Variants in WWC1 observed in about 807,000 individuals in gnomAD.
The protein encoded by WWC1 is WW and C2 domain containing 1.
WWC1 carries 55 observed loss-of-function variants against 138.4 expected under a neutral mutation model. The observed-to-expected ratio is 0.40, with a 90% CI of 0.32 to 0.50. WWC1 has a LOEUF of 0.50. WWC1 is among the 20% of genes least tolerant of loss of function. The pLI is 0.72. For missense variants in WWC1, 1,226 were observed against 1,420.4 expected (o/e 0.86, Z 2.20); for synonymous variants, 524 against 564.9 (o/e 0.93, Z 1.03).
chr5:168,420,060 G>C (rs1043690237), intron 9 of WWC1, among the ~76,000 whole-genome samples: 2 of 152,212 alleles, frequency 1.3e-5, no homozygotes, highest in Non-Finnish European at 2.9e-5. Context: ...ACTGTTGCCA[G>C]TCCATCCAAC....
intron 5 of WWC1, among the ~76,000 whole-genome samples, chr5:168,403,087 C>CTTTCTTTTCTTTT (rs1779504732): frequency 2.2e-5 from 2 of 92,168 alleles, no homozygotes; most frequent in Non-Finnish European, 2.2e-5. Context: ...TCTTTTCTTT[C>CTTTCTTTTCTTTT]TTTTCTTTCT....
chr5:168,385,023 G>T (rs186808529), intron 2 of WWC1, among the ~76,000 whole-genome samples, 188 bp from the exon 3 acceptor site: 341 of 152,108 alleles, frequency 2.2e-3, no homozygotes, highest in Non-Finnish European at 3.9e-3. Context: ...CAACCCCCTG[G>T]CTTATTATTT....
At chr5:168,325,496 A>C (rs1179337040) in intron 1 of WWC1, among the ~76,000 whole-genome samples, 1 of 152,078 alleles carries the variant, frequency 6.6e-6, no homozygotes, top group African/African-American at 2.4e-5. Flanking sequence ...GGCAGTGGGG[A>C]GGGGAATTTT....
intron 1 of WWC1, among the ~76,000 whole-genome samples, chr5:168,346,530 C>T (rs986097320): frequency 2.0e-5 from 3 of 152,050 alleles, no homozygotes; most frequent in South Asian, 2.1e-4. Context: ...CCTGACACAC[C>T]GATGCCCTTA....
chr5:168,292,084 C>G lies in WWC1; in HGVS notation c.-69C>G, dbSNP rs886885014. 1.4e-6 allele frequency: 2 copies of G among 1,434,808 alleles called. No individual in the cohort carries two copies. The highest frequency in any genetic ancestry group is 9.1e-7 in the Non-Finnish European group (1 of 1,098,344). The allele number at this position is 1,434,808 out of a possible 1,614,324, so 88.9% of individuals were successfully genotyped here. ...GGCGGCCGCCCGGGCTAAGAGCGGC[C>G]GGCTGGAGCCGCTGAGCCCCCGCTG... On this transcript the variant is annotated 5_prime_UTR_variant, in exon 1 of 23. Coordinates refer to ENST00000265293, the MANE Select transcript of WWC1 (RefSeq NM_015238.3). The surrounding 1 kb of genome is among the most constrained non-coding windows in gnomAD (Gnocchi z 4.4).
rs1757547286 is a variant in WWC1 at position 168,469,016 on chromosome 5, A to G, written c.3341A>G (p.Ter1114=). Residue 1114 remains the stop codon, a stop_retained_variant, in exon 23 of 23, where the codon TAA becomes TGA. Coordinates refer to ENST00000265293, the MANE Select transcript of WWC1 (RefSeq NM_015238.3). ...NIPALSADDV[*] ...CCAGCTCTCTCTGCAGATGACGTCT[A>G]ATCGCCAGAAAAGTATTTCCTTTGT... The G allele has an allele frequency of 6.2e-7, 1 of 1,614,232 alleles. No homozygotes were observed. The highest frequency in any genetic ancestry group is 8.5e-7 in the Non-Finnish European group (1 of 1,180,030).
chr5:168,425,156 C>G (rs992629546), intron 11 of WWC1, among the ~76,000 whole-genome samples: 4 of 152,158 alleles, frequency 2.6e-5, no homozygotes, highest in Non-Finnish European at 5.9e-5. Context: ...AGTGAGGAAG[C>G]AGGGATAGGA....
chr5:168,464,662 G>A (rs772970987), intron 20 of WWC1, 67 bp from the exon 21 acceptor site: 3 of 1,593,692 alleles, frequency 1.9e-6, no homozygotes, highest in African/African-American at 1.3e-5. Context: ...GAGGGTCAGA[G>A]GAAGAGGCTG....
chr5:168,421,883 C>T, intron 9 of WWC1, 125 bp from the exon 10 acceptor site: 3 of 698,812 alleles, frequency 4.3e-6, no homozygotes, highest in South Asian at 1.6e-5. Flanking sequence ...GCTCTAGCTC[C>T]CCAGATGCCG....
chr5:168,400,785 C>CT (rs770214303), intron 5 of WWC1, among the ~76,000 whole-genome samples: 44 of 144,860 alleles, frequency 3.0e-4, no homozygotes, highest in Non-Finnish European at 6.1e-4. Context: ...GCACTCCAGT[C>CT]TGAGTGGCAA....
At chr5:168,343,102 C>T (rs1774181397) in intron 1 of WWC1, among the ~76,000 whole-genome samples, 1 of 151,540 alleles carries the variant, frequency 6.6e-6, no homozygotes, top group Admixed American at 6.6e-5. Context: ...CGCAGATGGA[C>T]CTCCCAATTT....
At chr5:168,367,676 C>A (rs375054818) in intron 1 of WWC1, among the ~76,000 whole-genome samples, 2 of 152,242 alleles carry the variant, frequency 1.3e-5, no homozygotes, top group East Asian at 3.9e-4. Context: ...AGTGGAACTT[C>A]AGGTTATACC....
chr5:168,338,243 G>A (rs142476768), intron 1 of WWC1, among the ~76,000 whole-genome samples: 5,637 of 150,988 alleles, frequency 0.037, 148 homozygotes, highest in African/African-American at 0.072. Flanking sequence ...GCAGGGAGGC[G>A]GAGGTTGTGG....
chr5:168,438,802 A>T (rs1292586560), intron 15 of WWC1, among the ~76,000 whole-genome samples: 1 of 152,172 alleles, frequency 6.6e-6, no homozygotes, highest in Non-Finnish European at 1.5e-5. Flanking sequence ...GGGGAAAAAA[A>T]AAACAGTAAA....
rs573626441 is a variant in WWC1 at position 168,338,772 on chromosome 5, A to C, written c.120-32652A>C. Reference sequence around the variant, plus strand: ...CACTGCATGTTCTCACTCATGTGGAAGGTACAAAAAGTTGATCTCATAGAA... The same window carrying C: ...CACTGCATGTTCTCACTCATGTGGACGGTACAAAAAGTTGATCTCATAGAA... On this transcript the variant is annotated intron_variant, in intron 1 of 22. Transcript: ENST00000265293. 2.0e-5 allele frequency among the ~76,000 whole-genome samples: 3 copies of C among 152,310 alleles called. No individual in the cohort carries two copies. The South Asian group carries it at 6.2e-4, about 32-fold the overall frequency.
At chr5:168,346,388 A>G (rs1214734051) in intron 1 of WWC1, among the ~76,000 whole-genome samples, 2 of 152,138 alleles carry the variant, frequency 1.3e-5, no homozygotes, top group Non-Finnish European at 2.9e-5. Flanking sequence ...CTGCAGATGT[A>G]TTTCCTCCCC....
chr5:168,357,448 CTGTGTGTG>C (rs67198550), intron 1 of WWC1, among the ~76,000 whole-genome samples: 2,604 of 134,446 alleles, frequency 0.019, 53 homozygotes, highest in African/African-American at 0.047. Context: ...AACCTGCCTT[CTGTGTGTG>C]TGTGTGTGTG....
chr5:168,415,124 T>G (rs1780508852), intron 9 of WWC1: 1 of 159,018 alleles, frequency 6.3e-6, no homozygotes, highest in African/African-American at 2.4e-5. Context: ...GGTTGCAAAC[T>G]GGCATGCTTA....
intron 1 of WWC1, among the ~76,000 whole-genome samples, chr5:168,309,208 G>C (rs1395229484): frequency 6.8e-6 from 1 of 146,768 alleles, no homozygotes; most frequent in Non-Finnish European, 1.5e-5. Flanking sequence ...CTCTTCCCTA[G>C]GGGTGTCCTG....
Sources: allele counts gnomAD v4.1 joint callset (sites outside exome capture counted in the v4.1 genomes callset), GRCh38; gene constraint gnomAD v4.1.1; non-coding constraint Gnocchi (gnomAD v3.1); transcripts MANE v1.5; gene names NCBI Gene and HGNC (gene_info 2026-07-23, HGNC 2026-07-21).